The following PDGFD variants were observed in gnomAD, a reference collection of about 807,000 sequenced individuals.
The protein encoded by PDGFD is platelet derived growth factor D, also known as platelet-derived growth factor D.
A neutral mutation model predicts 44.7 loss-of-function variants in PDGFD; 30 were observed. That is an observed-to-expected ratio of 0.67 (90% confidence interval 0.50 to 0.91). The LOEUF is 0.91. Ranked by LOEUF, PDGFD falls within the 40% of genes least tolerant of loss-of-function variation. The pLI is 0.00. For missense variants in PDGFD, 445 were observed against 457.8 expected (o/e 0.97, Z 0.25); for synonymous variants, 173 against 168.4 (o/e 1.03, Z -0.21).
chr11:104,124,276 A>T (rs929597804), intron 1 of PDGFD, among the ~76,000 whole-genome samples: 2 of 152,112 alleles, frequency 1.3e-5, no homozygotes, highest in Admixed American at 6.6e-5. Flanking sequence ...TAGAAATAAA[A>T]GTCAGAGCAA....
chr11:104,030,122 A>G (rs776928596), intron 1 of PDGFD, among the ~76,000 whole-genome samples: 4 of 152,234 alleles, frequency 2.6e-5, no homozygotes, highest in Non-Finnish European at 5.9e-5. Context: ...TGTAACATAC[A>G]TACATTTCGT....
chr11:103,942,306 G>T (rs950727662), intron 5 of PDGFD, among the ~76,000 whole-genome samples: 9 of 152,018 alleles, frequency 5.9e-5, no homozygotes, highest in African/African-American at 1.9e-4. Flanking sequence ...ATAAGGAAAG[G>T]ACATAACAGA....
intron 1 of PDGFD, among the ~76,000 whole-genome samples, chr11:104,043,344 T>A (rs992592224): frequency 6.6e-6 from 1 of 152,186 alleles, no homozygotes; most frequent in Non-Finnish European, 1.5e-5. Context: ...CTCCCAGGCA[T>A]ATCTGAGGAT....
At chr11:104,089,301 A>T (rs1318066999) in intron 1 of PDGFD, among the ~76,000 whole-genome samples, 2 of 152,218 alleles carry the variant, frequency 1.3e-5, no homozygotes. Flanking sequence ...TCTAGAGTGT[A>T]TCTTCTCTCT....
At chr11:103,987,328 T>C (rs1859382305) in intron 3 of PDGFD, among the ~76,000 whole-genome samples, 1 of 152,126 alleles carries the variant, frequency 6.6e-6, no homozygotes, top group South Asian at 2.1e-4. Context: ...GCTTCTAGGA[T>C]CAATCACCGG....
chr11:103,978,651 C>T (rs1309667152), intron 3 of PDGFD, among the ~76,000 whole-genome samples: 1 of 151,840 alleles, frequency 6.6e-6, no homozygotes, highest in Non-Finnish European at 1.5e-5. Context: ...TCATTTAATC[C>T]TATGGCATGC....
At chr11:104,052,182 T>C (rs1243180361) in intron 1 of PDGFD, among the ~76,000 whole-genome samples, 2 of 152,196 alleles carry the variant, frequency 1.3e-5, no homozygotes, top group East Asian at 1.9e-4. Context: ...TATTGTAGCA[T>C]GTATCAGTAC....
chr11:103,977,429 T>G (rs1859201088), intron 3 of PDGFD, among the ~76,000 whole-genome samples: 1 of 152,108 alleles, frequency 6.6e-6, no homozygotes, highest in Non-Finnish European at 1.5e-5. Context: ...TGAACATCGA[T>G]GCAAAAATCC....
At chr11:104,063,829 T>C (rs1294503912) in intron 1 of PDGFD, among the ~76,000 whole-genome samples, 4 of 152,092 alleles carry the variant, frequency 2.6e-5, no homozygotes, top group Non-Finnish European at 4.4e-5. Context: ...TCCCATCAGG[T>C]ACCTCCCCTG....
intron 1 of PDGFD, among the ~76,000 whole-genome samples, chr11:104,101,115 G>T (rs963462914): frequency 3.9e-5 from 6 of 152,206 alleles, no homozygotes; most frequent in African/African-American, 1.4e-4. Flanking sequence ...AATCCGGCAG[G>T]AGAAGGAAAT....
intron 3 of PDGFD, among the ~76,000 whole-genome samples, chr11:103,973,831 G>C (rs1859140578): frequency 6.6e-6 from 1 of 152,112 alleles, no homozygotes; most frequent in Non-Finnish European, 1.5e-5. Flanking sequence ...ACATGGGCTG[G>C]GGTAAGAGAG....
At chr11:104,111,204 A>G (rs1384051861) in intron 1 of PDGFD, among the ~76,000 whole-genome samples, 2 of 151,040 alleles carry the variant, frequency 1.3e-5, no homozygotes, top group African/African-American at 4.9e-5. Context: ...TAAAATCTAC[A>G]CCTGAATAGC....
chr11:103,943,707 A>G (rs557822812), intron 4 of PDGFD, 57 bp from the exon 5 acceptor site: 1 of 1,419,594 alleles, frequency 7.0e-7, no homozygotes, highest in Non-Finnish European at 9.8e-7. Flanking sequence ...GTGAAATACA[A>G]CAGTCATTCA....
At chr11:104,145,329 A>G (rs1862147378) in intron 1 of PDGFD, among the ~76,000 whole-genome samples, 1 of 152,344 alleles carries the variant, frequency 6.6e-6, no homozygotes, top group Non-Finnish European at 1.5e-5. Context: ...TCTTTAATAC[A>G]TTATTTGTTT....
chr11:103,912,414 C>G (rs9667300), intron 6 of PDGFD, among the ~76,000 whole-genome samples: 69,023 of 151,374 alleles, frequency 0.46, 15,751 homozygotes, highest in South Asian at 0.49. Context: ...AAATCCTCTA[C>G]AGAGAAGCAA....
intron 1 of PDGFD, among the ~76,000 whole-genome samples, chr11:104,025,123 C>T (rs1371942851): frequency 6.6e-6 from 1 of 152,228 alleles, no homozygotes; most frequent in Non-Finnish European, 1.5e-5. Flanking sequence ...GGGCTTATGC[C>T]AAGCTGTCAG....
At chr11:104,148,980 T>G (rs1479318298) in intron 1 of PDGFD, among the ~76,000 whole-genome samples, 4 of 152,196 alleles carry the variant, frequency 2.6e-5, no homozygotes, top group Non-Finnish European at 5.9e-5. Flanking sequence ...TAACTTCATG[T>G]ATTTATTTTT....
chr11:104,030,342 A>G (rs2134389071), intron 1 of PDGFD, among the ~76,000 whole-genome samples: 1 of 152,328 alleles, frequency 6.6e-6, no homozygotes, highest in Non-Finnish European at 1.5e-5. Context: ...CCAATAAAAT[A>G]TCTTAATAGG....
chr11:103,977,706 T>C (rs1439798042), intron 3 of PDGFD, among the ~76,000 whole-genome samples: 1 of 152,078 alleles, frequency 6.6e-6, no homozygotes. Flanking sequence ...TATATTTTGA[T>C]TAAAACATAC....
Sources: allele counts gnomAD v4.1 joint callset (sites outside exome capture counted in the v4.1 genomes callset), GRCh38; gene constraint gnomAD v4.1.1; transcripts MANE v1.5; gene names NCBI Gene and HGNC (gene_info 2026-07-23, HGNC 2026-07-21).